Variants in TMC1 observed in about 807,000 individuals in gnomAD.
TMC1 encodes the protein transmembrane channel-like protein 1.
Under a neutral mutation model 105.8 loss-of-function variants are expected in TMC1, and 84 were observed. The ratio of observed to expected loss-of-function variants is 0.79; its 90% CI spans 0.67 to 0.95. TMC1 has a LOEUF of 0.95. TMC1 is among the 40% of genes least tolerant of loss of function. The pLI is 0.00. For synonymous variants in TMC1, 315 were observed against 311.5 expected (o/e 1.01, Z -0.12); for missense variants, 817 against 914.1 (o/e 0.89, Z 1.37).
At chr9:72,665,121 A>G (rs1468506949) in intron 5 of TMC1, among the ~76,000 whole-genome samples, 4 of 152,162 alleles carry the variant, frequency 2.6e-5, no homozygotes, top group African/African-American at 9.7e-5. Context: ...AGGTAATAGG[A>G]ATTTTTTAGC....
At chr9:72,549,465 CTG>C (rs1332966592) in intron 1 of TMC1, among the ~76,000 whole-genome samples, 6 of 151,516 alleles carry the variant, frequency 4.0e-5, no homozygotes, top group African/African-American at 1.5e-4. Flanking sequence ...TTTTTTGAGA[CTG>C]AGTCTCACTC....
intron 1 of TMC1, among the ~76,000 whole-genome samples, chr9:72,535,389 C>T (rs1823565013): frequency 6.6e-6 from 1 of 152,226 alleles, no homozygotes; most frequent in Admixed American, 6.5e-5. Context: ...TCCTGACCTA[C>T]ATGTCCTCTT....
At chr9:72,598,025 A>C (rs910626939) in intron 2 of TMC1, among the ~76,000 whole-genome samples, 1 of 151,580 alleles carries the variant, frequency 6.6e-6, no homozygotes, top group Non-Finnish European at 1.5e-5. Flanking sequence ...TCTTCACTGC[A>C]CATTTGATAA....
intron 13 of TMC1, among the ~76,000 whole-genome samples, chr9:72,783,235 A>G (rs577104112): frequency 4.5e-4 from 68 of 152,196 alleles, no homozygotes; most frequent in African/African-American, 1.6e-3. Context: ...GCCGTCTGCA[A>G]GCTGAGGAAG....
intron 1 of TMC1, among the ~76,000 whole-genome samples, chr9:72,561,939 T>C (rs191283594): frequency 6.6e-6 from 1 of 151,818 alleles, no homozygotes; most frequent in African/African-American, 2.4e-5. Context: ...GCTCAGGAGT[T>C]TGAAGATACA....
rs549091765 is a variant in TMC1, at chr9:72,718,006, C to T, written c.362+17363C>T. On this transcript the variant is annotated intron_variant, in intron 8 of 23. Coordinates refer to ENST00000297784, the MANE Select transcript of TMC1 (RefSeq NM_138691.3). Reference sequence around the variant, plus strand: ...TCATTTTTTAAAATTCTTTTACTTTCCAGTACATTTTGCATTTCTCTGTGT... The same window carrying T: ...TCATTTTTTAAAATTCTTTTACTTTTCAGTACATTTTGCATTTCTCTGTGT... 2.0e-5 allele frequency among the ~76,000 whole-genome samples: 3 copies of T among 152,140 alleles called. No individual in the cohort carries two copies. The South Asian group carries it at 6.2e-4, about 32-fold the overall frequency.
intron 5 of TMC1, among the ~76,000 whole-genome samples, chr9:72,658,865 A>T (rs1825926186): frequency 6.6e-6 from 1 of 152,214 alleles, no homozygotes; most frequent in Non-Finnish European, 1.5e-5. Context: ...TAGAGTGAAG[A>T]TTCCCTCAGG....
rs1371266860 is a variant in TMC1, at chr9:72,678,227, GTC to G, written c.17-10480_17-10479del. 3.9e-5 allele frequency among the ~76,000 whole-genome samples: 6 copies of G among 152,192 alleles called. No individual in the cohort carries two copies. The East Asian group carries it at 1.2e-3, about 29-fold the overall frequency. ...ATTTTTGTCAAGTCATTTGACCCGT[GTC>G]TATTCAGAGTTTCTTTGCTAGAATG... On this transcript the variant is annotated intron_variant, in intron 5 of 23. Coordinates refer to ENST00000297784, the MANE Select transcript of TMC1 (RefSeq NM_138691.3).
chr9:72,658,470 C>G (rs976783042), intron 5 of TMC1, among the ~76,000 whole-genome samples: 10 of 152,102 alleles, frequency 6.6e-5, no homozygotes, highest in African/African-American at 2.4e-4. Context: ...TTCCATAAAT[C>G]CTAGCTTCTA....
At chr9:72,810,894 T>C (rs532446709) in intron 18 of TMC1, among the ~76,000 whole-genome samples, 65 of 152,318 alleles carry the variant, frequency 4.3e-4, no homozygotes, top group African/African-American at 1.5e-3. Context: ...ATGTACAAAT[T>C]ATTTTCTTAT....
chr9:72,678,992 T>C (rs1826247995), intron 5 of TMC1, among the ~76,000 whole-genome samples: 1 of 152,082 alleles, frequency 6.6e-6, no homozygotes. Flanking sequence ...CCAACTCCCA[T>C]CCCACTGAAG....
At chr9:72,794,128 C>T (rs1170856972) in intron 17 of TMC1, among the ~76,000 whole-genome samples, 1 of 152,104 alleles carries the variant, frequency 6.6e-6, no homozygotes, top group Non-Finnish European at 1.5e-5. Context: ...CTCGGACCCA[C>T]AACATAGAAC....
chr9:72,784,784 T>C (rs1288403869), intron 13 of TMC1, among the ~76,000 whole-genome samples: 3 of 152,244 alleles, frequency 2.0e-5, no homozygotes, highest in East Asian at 1.9e-4. Context: ...ATTATGTCTT[T>C]GCAGCAACAT....
chr9:72,762,884 T>G (rs975969804), intron 12 of TMC1, among the ~76,000 whole-genome samples: 1 of 152,178 alleles, frequency 6.6e-6, no homozygotes, highest in African/African-American at 2.4e-5. Flanking sequence ...TAAGTTTGAT[T>G]AAAAGAAGAT....
rs1373221404 is a variant in TMC1 at position 72,789,230 on chromosome 9, T to C, written c.1137T>C (p.Ser379=). The part of the protein sequence containing the change: ...NFFVFLTLGG[S]GYLIFWAVKR... Reference sequence around the variant, plus strand: ...TCGTGTTTCTAACACTTGGAGGGAGTGGATACCTCATCTTTTGGGCTGTGA... The same window carrying C: ...TCGTGTTTCTAACACTTGGAGGGAGCGGATACCTCATCTTTTGGGCTGTGA... The change falls in exon 15 of 24, where the codon AGT becomes AGC. Residue 379 remains serine, a synonymous_variant. Coordinates refer to ENST00000297784, the MANE Select transcript of TMC1 (RefSeq NM_138691.3). The C allele has an allele frequency of 6.2e-7, 1 of 1,613,884 alleles. No homozygotes were observed. The highest frequency in any genetic ancestry group is 8.5e-7 in the Non-Finnish European group (1 of 1,179,940).
chr9:72,612,587 G>T (rs1025799076), intron 2 of TMC1, among the ~76,000 whole-genome samples: 1 of 152,088 alleles, frequency 6.6e-6, no homozygotes, highest in African/African-American at 2.4e-5. Context: ...AACAGCCATA[G>T]ATGTTAAGTA....
intron 5 of TMC1, among the ~76,000 whole-genome samples, chr9:72,686,694 C>T (rs981825009): frequency 2.0e-5 from 3 of 152,030 alleles, no homozygotes; most frequent in African/African-American, 7.3e-5. Context: ...CACGATCAGA[C>T]AAAGGAATGC....
chr9:72,526,069 G>A (rs1823403218), intron 1 of TMC1, among the ~76,000 whole-genome samples: 1 of 152,172 alleles, frequency 6.6e-6, no homozygotes, highest in South Asian at 2.1e-4. Flanking sequence ...GCTTGTGCCT[G>A]AACTTTGAAA....
At chr9:72,674,257 T>G (rs536730810) in intron 5 of TMC1, among the ~76,000 whole-genome samples, 10 of 152,320 alleles carry the variant, frequency 6.6e-5, no homozygotes, top group African/African-American at 1.9e-4. Flanking sequence ...TCAATAGGCT[T>G]TTAAAAATGC....
Sources: allele counts gnomAD v4.1 joint callset (sites outside exome capture counted in the v4.1 genomes callset), GRCh38; gene constraint gnomAD v4.1.1; transcripts MANE v1.5; gene names NCBI Gene and HGNC (gene_info 2026-07-23, HGNC 2026-07-21).